Variants in PAFAH1B1 observed in about 807,000 individuals in gnomAD.
The protein encoded by PAFAH1B1 is platelet-activating factor acetylhydrolase IB subunit beta.
PAFAH1B1 carries 2 observed loss-of-function variants against 57.5 expected under a neutral mutation model. The observed-to-expected ratio is 0.03, with a 90% confidence interval of 0.01 to 0.11. The LOEUF (loss-of-function observed/expected upper bound fraction) is 0.11, where lower values mean the gene tolerates loss of function less well. Among genes scored for constraint, PAFAH1B1 ranks in the 10% least tolerant of loss-of-function variants. The probability of loss-of-function intolerance (pLI) is 1.00; values close to 1 mark genes in which losing one functional copy is unlikely to be tolerated. For missense variants in PAFAH1B1, 257 were observed against 512.0 expected (o/e 0.50, Z 4.81); for synonymous variants, 152 against 169.6 (o/e 0.90, Z 0.81).
chr17:2,652,279 G>A (rs983308947), intron 2 of PAFAH1B1, among the ~76,000 whole-genome samples: 8 of 152,032 alleles, frequency 5.3e-5, no homozygotes, highest in Admixed American at 2.0e-4. Context: ...GCCGGGCGTG[G>A]TGGCGGGTGC....
chr17:2,648,002 AAAATAAATAAAT>A (rs566292815), intron 2 of PAFAH1B1, among the ~76,000 whole-genome samples: 3 of 151,920 alleles, frequency 2.0e-5, no homozygotes, highest in Non-Finnish European at 4.4e-5. Flanking sequence ...AGACTCTCTC[AAAATAAATAAAT>A]AAATAAATAA....
chr17:2,626,586 T>G (rs1390361610), intron 1 of PAFAH1B1, among the ~76,000 whole-genome samples: 1 of 103,608 alleles, frequency 9.7e-6, no homozygotes, highest in East Asian at 3.6e-4. Context: ...CGGAGTCTTG[T>G]TCTGTCGCCC....
At chr17:2,609,748 G>A (rs908688215) in intron 1 of PAFAH1B1, among the ~76,000 whole-genome samples, 47 of 151,770 alleles carry the variant, frequency 3.1e-4, no homozygotes, top group Non-Finnish European at 6.2e-4. Flanking sequence ...CTGACCTCGT[G>A]ATCCACCCGC....
At chr17:2,629,839 C>T (rs1205277690) in intron 1 of PAFAH1B1, among the ~76,000 whole-genome samples, 2 of 152,038 alleles carry the variant, frequency 1.3e-5, no homozygotes, top group Non-Finnish European at 2.9e-5. Flanking sequence ...ATATAACGTC[C>T]CTCTTTTTCT....
chr17:2,615,348 G>T (rs749457309), intron 1 of PAFAH1B1, among the ~76,000 whole-genome samples: 20 of 152,114 alleles, frequency 1.3e-4, no homozygotes, highest in Non-Finnish European at 2.5e-4. Context: ...AGGAAAAAGC[G>T]ATTTATGACA....
chr17:2,677,069 C>G (rs1221095258), intron 9 of PAFAH1B1, among the ~76,000 whole-genome samples: 1 of 152,120 alleles, frequency 6.6e-6, no homozygotes, highest in Non-Finnish European at 1.5e-5. Flanking sequence ...AGGAGAATGG[C>G]GTGAACCCGG....
At chr17:2,662,376 C>CTT (rs1008162906) in intron 2 of PAFAH1B1, among the ~76,000 whole-genome samples, 1 of 94,862 alleles carries the variant, frequency 1.1e-5, no homozygotes, top group East Asian at 4.2e-4. Context: ...TTTTTAACCT[C>CTT]TTTGTGTGTG....
At chr17:2,670,128 A>T in intron 5 of PAFAH1B1, 35 bp from the exon 6 acceptor site, 1 of 1,593,286 alleles carries the variant, frequency 6.3e-7, no homozygotes. Context: ...GGAGTGATGG[A>T]GTTGGTGTTA....
At chr17:2,680,865 C>T (rs1173560582) in intron 10 of PAFAH1B1, 1 of 175,426 alleles carries the variant, frequency 5.7e-6, no homozygotes, top group Non-Finnish European at 1.2e-5. Context: ...AAGGATTAGG[C>T]ACAAATACGG....
intron 1 of PAFAH1B1, among the ~76,000 whole-genome samples, chr17:2,626,263 A>G (rs1330300744): frequency 6.6e-6 from 1 of 152,082 alleles, no homozygotes; most frequent in Non-Finnish European, 1.5e-5. Flanking sequence ...AAAAAAAAAA[A>G]AATTATTTCT....
intron 2 of PAFAH1B1, among the ~76,000 whole-genome samples, chr17:2,647,393 G>T (rs1410170020): frequency 6.6e-6 from 1 of 151,998 alleles, no homozygotes; most frequent in Admixed American, 6.6e-5. Context: ...AATTAGCTGG[G>T]CATGGTGGCA....
At chr17:2,652,875 C>T (rs1443352826) in intron 2 of PAFAH1B1, among the ~76,000 whole-genome samples, 2 of 152,100 alleles carry the variant, frequency 1.3e-5, no homozygotes, top group Non-Finnish European at 2.9e-5. Context: ...CCTCAGGGAT[C>T]TAGAACTGGA....
chr17:2,652,181 C>A (rs538751600), intron 2 of PAFAH1B1, among the ~76,000 whole-genome samples: 1 of 151,956 alleles, frequency 6.6e-6, no homozygotes, highest in South Asian at 2.1e-4. Flanking sequence ...GAGGCCAAGG[C>A]GGGCAAATCA....
At chr17:2,637,809 A>G (rs558495220) in intron 1 of PAFAH1B1, among the ~76,000 whole-genome samples, 4 of 152,346 alleles carry the variant, frequency 2.6e-5, no homozygotes, top group South Asian at 2.1e-4. Context: ...TTAGAGTTAC[A>G]TGTTAATATT....
intron 1 of PAFAH1B1, among the ~76,000 whole-genome samples, chr17:2,598,485 C>A (rs778028203): frequency 4.0e-5 from 6 of 151,792 alleles, no homozygotes; most frequent in Non-Finnish European, 7.4e-5. Context: ...GAAAATATTT[C>A]ATTATGACAG....
chr17:2,635,836 C>A (rs1179568866), intron 1 of PAFAH1B1, among the ~76,000 whole-genome samples: 3 of 150,750 alleles, frequency 2.0e-5, no homozygotes, highest in Non-Finnish European at 4.4e-5. Context: ...CATGGTGGCT[C>A]ATGCTTGTAA....
intron 2 of PAFAH1B1, among the ~76,000 whole-genome samples, chr17:2,664,665 G>GCGCTCGCTCTCT: frequency 2.3e-5 from 2 of 86,028 alleles, no homozygotes; most frequent in African/African-American, 7.8e-5. Context: ...TCTATCTATC[G>GCGCTCGCTCTCT]CTCTCTCTCT....
intron 2 of PAFAH1B1, among the ~76,000 whole-genome samples, chr17:2,651,454 C>T (rs913349040): frequency 7.3e-5 from 11 of 150,948 alleles, no homozygotes; most frequent in African/African-American, 2.7e-4. Flanking sequence ...CATGGTGGTG[C>T]CTGCCTGAAA....
At chr17:2,652,446 C>T (rs552707287) in intron 2 of PAFAH1B1, among the ~76,000 whole-genome samples, 5 of 152,168 alleles carry the variant, frequency 3.3e-5, no homozygotes, top group African/African-American at 1.2e-4. Flanking sequence ...AAAAACATTT[C>T]TCCATGTGTT....
Sources: gnomAD v4.1 joint callset for allele counts (sites outside exome capture counted in the v4.1 genomes callset) on GRCh38, gnomAD v4.1.1 for gene constraint, MANE v1.5 for transcripts, NCBI Gene and HGNC (gene_info 2026-07-23, HGNC 2026-07-21) for gene names.